The following MKX variants were observed in gnomAD, a reference collection of about 807,000 sequenced individuals.
The protein encoded by MKX is mohawk homeobox, also known as homeobox protein Mohawk.
MKX carries 13 observed loss-of-function variants against 36.0 expected under a neutral mutation model. That is an observed-to-expected ratio of 0.36 (90% CI 0.24 to 0.57). MKX has a LOEUF of 0.57. MKX is among the 20% of genes least tolerant of loss of function. The pLI is 0.79. For synonymous variants in MKX, 176 were observed against 178.3 expected (o/e 0.99, Z 0.10); for missense variants, 458 against 456.4 (o/e 1.00, Z -0.03).
At chr10:27,679,075 C>T (rs946403277) in intron 5 of MKX, among the ~76,000 whole-genome samples, 1 of 150,990 alleles carries the variant, frequency 6.6e-6, no homozygotes, top group African/African-American at 2.4e-5. Context: ...GGTTCCTCTC[C>T]AATAACAGAA....
At chr10:27,680,155 G>T (rs1836227673) in intron 5 of MKX, among the ~76,000 whole-genome samples, 1 of 152,032 alleles carries the variant, frequency 6.6e-6, no homozygotes, top group African/African-American at 2.4e-5. Flanking sequence ...ACAGACTCAG[G>T]GTCTGACTGC....
intron 5 of MKX, among the ~76,000 whole-genome samples, chr10:27,686,513 G>C (rs1376371083): frequency 6.6e-6 from 1 of 152,166 alleles, no homozygotes; most frequent in Non-Finnish European, 1.5e-5. Context: ...GTCTTGTTCT[G>C]TCACCCAGGC....
chr10:27,740,161 C>T (rs190971624), intron 3 of MKX, among the ~76,000 whole-genome samples: 1 of 152,116 alleles, frequency 6.6e-6, no homozygotes, highest in African/African-American at 2.4e-5. Context: ...AACTTTCATG[C>T]CTTGTCAAAC....
At chr10:27,687,650 C>T (rs900450976) in intron 5 of MKX, among the ~76,000 whole-genome samples, 1 of 152,192 alleles carries the variant, frequency 6.6e-6, no homozygotes, top group Non-Finnish European at 1.5e-5. Context: ...CAGACCACCA[C>T]CCAGTGATCG....
chr10:27,743,670 C>A (rs1564370300), intron 1 of MKX, 173 bp from the exon 2 acceptor site: 4 of 489,432 alleles, frequency 8.2e-6, no homozygotes, highest in Non-Finnish European at 1.4e-5. Context: ...ACGCCCCCGC[C>A]CCTGCAGGTT....
At chr10:27,717,419 A>G (rs902350516) in intron 5 of MKX, among the ~76,000 whole-genome samples, 2 of 152,236 alleles carry the variant, frequency 1.3e-5, no homozygotes, top group African/African-American at 4.8e-5. Context: ...GACATTGTTA[A>G]TGAATTCAGA....
chr10:27,716,791 G>A lies in MKX; in HGVS notation c.838+17665C>T, dbSNP rs944761216. ...TCCCGCTGCCACATGATCTATGCTG[G>A]GGTAGGAAGAATTTTGCCCTCATGA... On this transcript the variant is annotated intron_variant, in intron 5 of 6. Transcript: ENST00000419761. Among the ~76,000 whole-genome samples the A allele has an allele frequency of 9.9e-5, 15 of 152,200 alleles. No homozygotes were observed. In the East Asian group the frequency reaches 2.5e-3, roughly 25 times the overall value.
At chr10:27,718,539 C>T in intron 5 of MKX, 1 of 410,720 alleles carries the variant, frequency 2.4e-6, no homozygotes, top group Non-Finnish European at 4.9e-6. Context: ...ATTCTTAGCT[C>T]CTTGTTTTTA....
At chr10:27,697,360 G>C (rs186089342) in intron 5 of MKX, among the ~76,000 whole-genome samples, 1 of 152,198 alleles carries the variant, frequency 6.6e-6, no homozygotes, top group Admixed American at 6.5e-5. Flanking sequence ...CCCCCTTTTT[G>C]ATATAATAAA....
intron 5 of MKX, among the ~76,000 whole-genome samples, chr10:27,726,336 C>T (rs1380599049): frequency 1.3e-5 from 2 of 152,178 alleles, no homozygotes; most frequent in Non-Finnish European, 2.9e-5. Flanking sequence ...TAAAAAGTCA[C>T]AACTTTGACT....
intron 5 of MKX, among the ~76,000 whole-genome samples, chr10:27,698,414 G>T (rs149585752): frequency 6.6e-6 from 1 of 152,304 alleles, no homozygotes; most frequent in East Asian, 1.9e-4. Context: ...GATGCGAGGA[G>T]TCCTGGGGAT....
At chr10:27,730,771 T>G (rs149640523) in intron 5 of MKX, among the ~76,000 whole-genome samples, 47 of 151,938 alleles carry the variant, frequency 3.1e-4, no homozygotes, top group African/African-American at 1.1e-3. Context: ...ATTGGCTATT[T>G]GATTCCATAT....
intron 5 of MKX, among the ~76,000 whole-genome samples, chr10:27,711,409 C>CTTCT (rs138811939): frequency 7.1e-6 from 1 of 141,498 alleles, no homozygotes; most frequent in African/African-American, 2.7e-5. Context: ...TCCTTCTTTC[C>CTTCT]TTCTTTCTTT....
chr10:27,688,089 G>T lies in MKX; in HGVS notation c.839-12535C>A, dbSNP rs1354109155. Reference sequence around the variant, plus strand: ...ATTAAATGAAGATAATAGTACCAGAGTCATAGGGTAGTTATGTGGACCACA... The same window carrying T: ...ATTAAATGAAGATAATAGTACCAGATTCATAGGGTAGTTATGTGGACCACA... On this transcript the variant is annotated intron_variant, in intron 5 of 6. Transcript: ENST00000419761. Among the ~76,000 whole-genome samples, 3 of 151,962 alleles carry T rather than the reference G, an allele frequency of 2.0e-5. 1 individual carries two copies. Among genetic ancestry groups the T allele is most frequent in the Non-Finnish European group, 4.4e-5 (3 of 68,004 alleles).
intron 3 of MKX, among the ~76,000 whole-genome samples, chr10:27,736,455 A>G (rs1301054284): frequency 6.6e-6 from 1 of 152,174 alleles, no homozygotes; most frequent in Non-Finnish European, 1.5e-5. Flanking sequence ...TCATCAGTGC[A>G]TAGATTTTTA....
At chr10:27,676,323 G>A (rs888808977) in intron 5 of MKX, among the ~76,000 whole-genome samples, 1 of 148,506 alleles carries the variant, frequency 6.7e-6, no homozygotes, top group East Asian at 2.0e-4. Flanking sequence ...TCTTGGGGGT[G>A]CTTCTGGCTC....
intron 5 of MKX, among the ~76,000 whole-genome samples, chr10:27,684,405 C>T (rs1022321336): frequency 1.3e-5 from 2 of 152,000 alleles, no homozygotes; most frequent in Admixed American, 6.6e-5. Context: ...GAAAGTAATA[C>T]AGCTTCCCTG....
intron 5 of MKX, among the ~76,000 whole-genome samples, chr10:27,729,316 CAG>C (rs1834568834): frequency 9.4e-6 from 1 of 106,608 alleles, no homozygotes; most frequent in African/African-American, 3.6e-5. Flanking sequence ...TTTTTTGAGA[CAG>C]AGTCTCATTC....
At chr10:27,729,850 C>T (rs539584303) in intron 5 of MKX, among the ~76,000 whole-genome samples, 1 of 152,200 alleles carries the variant, frequency 6.6e-6, no homozygotes, top group Non-Finnish European at 1.5e-5. Flanking sequence ...TGAGAACCCA[C>T]TCTGTAAGGC....
Sources: allele counts gnomAD v4.1 joint callset (sites outside exome capture counted in the v4.1 genomes callset), GRCh38; gene constraint gnomAD v4.1.1; transcripts MANE v1.5; gene names NCBI Gene and HGNC (gene_info 2026-07-23, HGNC 2026-07-21).